Variants in AGMO observed in about 807,000 individuals in gnomAD.
AGMO encodes glyceryl-ether monooxygenase.
In AGMO, 75 loss-of-function variants were observed where a neutral mutation model predicts 60.2. The observed-to-expected ratio is 1.25, with a 90% confidence interval of 1.03 to 1.51. AGMO has a LOEUF of 1.51. AGMO is among the 40% of genes most tolerant of loss of function. AGMO has a pLI of 0.00. For missense variants in AGMO, 763 were observed against 525.5 expected (o/e 1.45, Z -4.42); for synonymous variants, 261 against 177.1 (o/e 1.47, Z -3.76).
intron 3 of AGMO, among the ~76,000 whole-genome samples, chr7:15,542,280 G>A (rs941680733): frequency 2.0e-5 from 3 of 152,128 alleles, no homozygotes; most frequent in African/African-American, 4.8e-5. Context: ...CCTGAAGGTT[G>A]TGAATGTTTT....
chr7:15,511,014 C>G (rs1388807545), intron 3 of AGMO, among the ~76,000 whole-genome samples: 1 of 151,768 alleles, frequency 6.6e-6, no homozygotes, highest in Admixed American at 6.6e-5. Flanking sequence ...AAAAGATACA[C>G]AACACTTCTA....
the AGMO span, among the ~76,000 whole-genome samples, chr7:15,130,614 G>A: frequency 1.3e-5 from 2 of 152,074 alleles, no homozygotes; most frequent in Non-Finnish European, 2.9e-5. Flanking sequence ...GAAAATAGGG[G>A]AACAGATTAG....
chr7:15,313,825 A>C (rs780649733), intron 12 of AGMO, among the ~76,000 whole-genome samples: 3 of 152,120 alleles, frequency 2.0e-5, no homozygotes, highest in Non-Finnish European at 4.4e-5. Context: ...ATAATAACAT[A>C]GTACAATTAT....
intron 3 of AGMO, among the ~76,000 whole-genome samples, chr7:15,447,253 GT>G (rs1425419740): frequency 6.6e-6 from 1 of 152,032 alleles, no homozygotes; most frequent in Non-Finnish European, 1.5e-5. Context: ...TTTCCCAGAC[GT>G]AAGAGTTTAG....
intron 12 of AGMO, among the ~76,000 whole-genome samples, chr7:15,205,231 A>T (rs2115469606): frequency 6.6e-6 from 1 of 152,296 alleles, no homozygotes; most frequent in Admixed American, 6.5e-5. Flanking sequence ...AACAAATATC[A>T]CTTTGTGCAG....
the AGMO span, among the ~76,000 whole-genome samples, chr7:15,158,128 C>T: frequency 6.6e-6 from 1 of 152,088 alleles, no homozygotes; most frequent in African/African-American, 2.4e-5. Context: ...CTTCAGATTT[C>T]AAAAGAAATT....
the AGMO span, among the ~76,000 whole-genome samples, chr7:15,161,396 ATC>A: frequency 6.6e-6 from 1 of 151,600 alleles, no homozygotes; most frequent in Admixed American, 6.6e-5. Context: ...TCTTCCTTAA[ATC>A]TCTCTATCTC....
chr7:15,298,055 T>C (rs953889295), intron 12 of AGMO, among the ~76,000 whole-genome samples: 3 of 152,184 alleles, frequency 2.0e-5, no homozygotes, highest in Admixed American at 6.6e-5. Context: ...TACAAATTTA[T>C]GTCCTCTGTG....
the AGMO span, among the ~76,000 whole-genome samples, chr7:15,126,961 C>G: frequency 2.0e-5 from 3 of 152,102 alleles, no homozygotes; most frequent in Non-Finnish European, 4.4e-5. Context: ...TTTATCTTAA[C>G]CCAAACATTT....
intron 12 of AGMO, among the ~76,000 whole-genome samples, chr7:15,219,237 T>TACTGCA (rs1210511467): frequency 6.6e-6 from 1 of 152,196 alleles, no homozygotes; most frequent in East Asian, 1.9e-4. Flanking sequence ...AATACAGATC[T>TACTGCA]TTGCACAATT....
chr7:15,272,648 A>G (rs909423483), intron 12 of AGMO, among the ~76,000 whole-genome samples: 5 of 152,114 alleles, frequency 3.3e-5, no homozygotes, highest in Admixed American at 2.6e-4. Context: ...TATACCCAGT[A>G]ATGGGATGGC....
At chr7:15,343,058 A>C (rs867979881) in intron 12 of AGMO, among the ~76,000 whole-genome samples, 1 of 152,106 alleles carries the variant, frequency 6.6e-6, no homozygotes, top group Non-Finnish European at 1.5e-5. Flanking sequence ...TACAAGTGGA[A>C]AACCTTAAGA....
intron 12 of AGMO, among the ~76,000 whole-genome samples, chr7:15,333,194 T>C (rs1781550345): frequency 1.3e-5 from 2 of 152,150 alleles, no homozygotes; most frequent in African/African-American, 4.8e-5. Context: ...TCCCAGCAGG[T>C]GTCAAGACTC....
At chr7:15,245,111 C>G (rs1376336062) in intron 12 of AGMO, among the ~76,000 whole-genome samples, 1 of 152,130 alleles carries the variant, frequency 6.6e-6, no homozygotes, top group Non-Finnish European at 1.5e-5. Context: ...AGAATGTATT[C>G]CAGATCACCT....
intron 12 of AGMO, among the ~76,000 whole-genome samples, chr7:15,294,194 G>A (rs1386840028): frequency 6.6e-6 from 1 of 151,900 alleles, no homozygotes; most frequent in East Asian, 1.9e-4. Flanking sequence ...TAATCATAGT[G>A]GAATAGATAT....
intron 5 of AGMO, among the ~76,000 whole-genome samples, chr7:15,405,688 G>A (rs1051309100): frequency 2.0e-5 from 3 of 151,770 alleles, no homozygotes; most frequent in South Asian, 2.1e-4. Flanking sequence ...ATTAATCCAC[G>A]TAACACTCTT....
intron 12 of AGMO, among the ~76,000 whole-genome samples, chr7:15,204,000 A>G (rs986638557): frequency 7.2e-5 from 11 of 152,150 alleles, no homozygotes; most frequent in Non-Finnish European, 1.3e-4. Flanking sequence ...ATTTTTATAT[A>G]TAATAAAATC....
chr7:15,511,824 ATT>A (rs1783681508), intron 3 of AGMO, among the ~76,000 whole-genome samples: 2 of 152,150 alleles, frequency 1.3e-5, no homozygotes, highest in Admixed American at 1.3e-4. Flanking sequence ...AAAAGAGGAA[ATT>A]TGGACACAGA....
At chr7:15,266,321 G>A (rs1783430318) in intron 12 of AGMO, among the ~76,000 whole-genome samples, 1 of 151,904 alleles carries the variant, frequency 6.6e-6, no homozygotes, top group South Asian at 2.1e-4. Context: ...CATTATAAAT[G>A]TACATCCTCT....
Sources: gnomAD v4.1 joint callset for allele counts (sites outside exome capture counted in the v4.1 genomes callset) on GRCh38, gnomAD v4.1.1 for gene constraint, MANE v1.5 for transcripts, NCBI Gene and HGNC (gene_info 2026-07-23, HGNC 2026-07-21) for gene names.